Variants in NXPE1 observed in about 807,000 individuals in gnomAD.
NXPE1 encodes the protein neurexophilin and PC-esterase domain family member 1.
Under a neutral mutation model 33.3 loss-of-function variants are expected in NXPE1, and 31 were observed. The observed-to-expected ratio is 0.93, with a 90% CI of 0.70 to 1.26. NXPE1 has a LOEUF of 1.26. NXPE1 is among the 50% of genes most tolerant of loss of function. NXPE1 has a pLI of 0.00. For missense variants in NXPE1, 661 were observed against 655.6 expected (o/e 1.01, Z -0.09); for synonymous variants, 229 against 231.4 (o/e 0.99, Z 0.09).
chr11:114,530,232 G>T lies in NXPE1; in HGVS notation c.776C>A (p.Thr259Asn). 2 of 1,613,970 alleles carry T rather than the reference G, an allele frequency of 1.2e-6. No homozygotes were observed. The highest frequency in any genetic ancestry group is 1.1e-5 in the South Asian group (1 of 91,042). ...ATAAGATACCTCTCTATTCCGGGTGGTCATGTAGGTCAGAGCCTCACAGGG... is the reference window on the plus strand; with the variant it reads ...ATAAGATACCTCTCTATTCCGGGTGTTCATGTAGGTCAGAGCCTCACAGGG... Residue 259 changes from threonine to asparagine, a missense_variant, in exon 6 of 9, where the codon ACC (threonine) becomes AAC (asparagine). By Grantham distance (65) the Thr-to-Asn change is moderately conservative. Transcript: ENST00000534921.
chr11:114,519,737 G>A (rs1162732435), downstream of NXPE1, among the ~76,000 whole-genome samples: 2 of 152,056 alleles, frequency 1.3e-5, no homozygotes, highest in Non-Finnish European at 2.9e-5. Context: ...TTTGTCTTGT[G>A]TGTGGGACAT....
At chr11:114,533,258 T>C (rs1947653368) in intron 5 of NXPE1, among the ~76,000 whole-genome samples, 1 of 152,080 alleles carries the variant, frequency 6.6e-6, no homozygotes, top group Non-Finnish European at 1.5e-5. Flanking sequence ...CAAAACAAAC[T>C]CACAAACTCA....
Position 114,523,010 on chromosome 11 carries a change from AT to A in NXPE1, c.976del (p.Ile326Ter). ...CTGAACCTGGTTGCAAAATGTTGTT[AT>A]CCATTTTCCTTGTAAAGTATAACCA... On this transcript the variant is annotated frameshift_variant, in exon 8 of 9. Transcript: ENST00000534921. LOFTEE classifies it high-confidence loss of function. The A allele has an allele frequency of 1.2e-6, 2 of 1,613,628 alleles. No individual in the cohort carries two copies. Among genetic ancestry groups the A allele is most frequent in the Non-Finnish European group, 1.7e-6 (2 of 1,179,628 alleles).
chr11:114,558,447 GATTTGTGAT>G (rs1948708645), intron 1 of NXPE1, among the ~76,000 whole-genome samples: 1 of 152,058 alleles, frequency 6.6e-6, no homozygotes, highest in Admixed American at 6.6e-5. Flanking sequence ...TATGATGTTG[GATTTGTGAT>G]ATTTGCTTTT....
intron 5 of NXPE1, among the ~76,000 whole-genome samples, chr11:114,536,191 A>C (rs973116435): frequency 6.6e-6 from 1 of 152,240 alleles, no homozygotes; most frequent in African/African-American, 2.4e-5. Context: ...TACTGGGTAC[A>C]TAATGAAATG....
chr11:114,543,130 C>T (rs10891697), intron 5 of NXPE1, among the ~76,000 whole-genome samples: 34,399 of 151,308 alleles, frequency 0.23, 5,471 homozygotes, highest in African/African-American at 0.44. Flanking sequence ...CTGAGGCAGG[C>T]GGATCAGTTG....
intron 1 of NXPE1, chr11:114,553,829 C>T: frequency 4.2e-6 from 4 of 963,718 alleles, no homozygotes; most frequent in Non-Finnish European, 4.9e-6. Flanking sequence ...TTCTTTCCAA[C>T]TGCTCATTCA....
chr11:114,533,782 G>T (rs1010764210), intron 5 of NXPE1, among the ~76,000 whole-genome samples: 3 of 152,248 alleles, frequency 2.0e-5, no homozygotes, highest in African/African-American at 7.2e-5. Context: ...AAACAAAGCG[G>T]CCGGGAAGCT....
chr11:114,549,736 T>C (rs1948408939), intron 5 of NXPE1, among the ~76,000 whole-genome samples: 1 of 152,058 alleles, frequency 6.6e-6, no homozygotes, highest in Admixed American at 6.6e-5. Context: ...CTAATGCAGT[T>C]AGAGAAGAGA....
exon 9 of NXPE1, chr11:114,522,489 C>A: frequency 1.3e-6 from 2 of 1,593,612 alleles, no homozygotes; most frequent in African/African-American, 1.4e-5. Flanking sequence ...TCATGAAGAT[C>A]AAAAAACTTC....
intron 5 of NXPE1, among the ~76,000 whole-genome samples, chr11:114,548,983 G>A (rs1591299204): frequency 6.6e-6 from 1 of 151,682 alleles, no homozygotes; most frequent in South Asian, 2.1e-4. Context: ...ACCTGAAAAG[G>A]GGGAAAAGTT....
At chr11:114,531,104 T>C (rs1947561614) in intron 5 of NXPE1, among the ~76,000 whole-genome samples, 196 bp from the exon 6 acceptor site, 1 of 151,634 alleles carries the variant, frequency 6.6e-6, no homozygotes, top group Non-Finnish European at 1.5e-5. Flanking sequence ...ATTATGATGA[T>C]GATATAATAT....
chr11:114,548,682 G>A lies in NXPE1; in HGVS notation c.99+2421C>T, dbSNP rs141729068. On this transcript the variant is annotated intron_variant, in intron 5 of 8. Transcript: ENST00000534921. ...AAAAGAATTATCAGTTAAGTTTATAGCATTAAGTACCTATGTAAATGAGGA... is the reference window on the plus strand; with the variant it reads ...AAAAGAATTATCAGTTAAGTTTATAACATTAAGTACCTATGTAAATGAGGA... Among the ~76,000 whole-genome samples the A allele has an allele frequency of 3.2e-3, 493 of 152,050 alleles. 1 individual carries two copies. Among genetic ancestry groups the A allele is most frequent in the African/African-American group, 0.011 (472 of 41,532 alleles).
intron 5 of NXPE1, among the ~76,000 whole-genome samples, chr11:114,535,084 TG>T: frequency 6.6e-6 from 1 of 151,856 alleles, no homozygotes; most frequent in Non-Finnish European, 1.5e-5. Context: ...GCTGATCTCT[TG>T]CCAGAAACTC....
Position 114,529,069 on chromosome 11 carries a change from C to G in NXPE1, c.833+1106G>C, listed in dbSNP as rs1240787594. On this transcript the variant is annotated intron_variant, in intron 6 of 8. Transcript: ENST00000534921. ...GTTATTTTGTCATGTTTGGTGCCTA[C>G]TCTTAGCATATTTTTTTTGAAAGCT... 4 of 373,524 alleles carry G rather than the reference C, an allele frequency of 1.1e-5. No individual in the cohort carries two copies. In the Admixed American group the frequency reaches 1.3e-4, roughly 13 times the overall value. 23.1% of individuals were successfully genotyped at this position (373,524 alleles called of 1,614,324 possible).
intron 7 of NXPE1, 94 bp from the exon 8 acceptor site, chr11:114,523,185 CT>C (rs1947268971): frequency 1.1e-6 from 1 of 875,754 alleles, no homozygotes; most frequent in Non-Finnish European, 1.8e-6. Flanking sequence ...CTCTTTCCCC[CT>C]TCCTGTAATG....
At chr11:114,522,052 G>A (rs771966759) in exon 9 of NXPE1, 2 of 1,613,572 alleles carry the variant, frequency 1.2e-6, no homozygotes, top group Non-Finnish European at 8.5e-7. Flanking sequence ...CATATGCAAT[G>A]GTCATGTCCC....
At chr11:114,536,420 A>C (rs1292066819) in intron 5 of NXPE1, among the ~76,000 whole-genome samples, 1 of 152,244 alleles carries the variant, frequency 6.6e-6, no homozygotes, top group African/African-American at 2.4e-5. Flanking sequence ...GAAGGCAAGA[A>C]ATAACTAAGA....
chr11:114,543,221 TGGCGGGC>T (rs1948162993), intron 5 of NXPE1, among the ~76,000 whole-genome samples: 1 of 152,068 alleles, frequency 6.6e-6, no homozygotes, highest in Non-Finnish European at 1.5e-5. Context: ...TTGGGCATGG[TGGCGGGC>T]AGCTGTAATC....
Sources: gnomAD v4.1 joint callset for allele counts (sites outside exome capture counted in the v4.1 genomes callset) on GRCh38, gnomAD v4.1.1 for gene constraint, MANE v1.5 for transcripts, NCBI Gene and HGNC (gene_info 2026-07-23, HGNC 2026-07-21) for gene names.